The following MEF2A variants were observed in gnomAD, a reference collection of about 807,000 sequenced individuals.
MEF2A encodes myocyte-specific enhancer factor 2A.
A neutral mutation model predicts 55.8 loss-of-function variants in MEF2A; 28 were observed. The ratio of observed to expected loss-of-function variants is 0.50; its 90% confidence interval spans 0.37 to 0.69. The LOEUF (loss-of-function observed/expected upper bound fraction) is 0.69, where lower values mean the gene tolerates loss of function less well. Ranked by LOEUF, MEF2A falls within the 30% of genes least tolerant of loss-of-function variation. The pLI is 0.00. For synonymous variants in MEF2A, 239 were observed against 227.1 expected (o/e 1.05, Z -0.47); for missense variants, 528 against 626.2 (o/e 0.84, Z 1.67).
At chr15:99,693,462 C>A (rs948746508) in intron 8 of MEF2A, among the ~76,000 whole-genome samples, 1 of 152,074 alleles carries the variant, frequency 6.6e-6, no homozygotes. Context: ...CACACACTCT[C>A]ACTCCTAGAC....
intron 2 of MEF2A, among the ~76,000 whole-genome samples, chr15:99,613,302 C>T (rs571462322): frequency 4.3e-4 from 65 of 152,228 alleles, no homozygotes; most frequent in Non-Finnish European, 1.3e-4. Flanking sequence ...ATCCGGTGTT[C>T]TTTTAAATTG....
chr15:99,633,193 TATTTA>T lies in MEF2A; in HGVS notation c.54+24_54+28del, dbSNP rs778061580. ...CGACAGGTAAATGAAAATTTTAATTTATTTAATTGATATGAATATTCTTTTAAAAA... is the reference window on the plus strand; with the variant it reads ...CGACAGGTAAATGAAAATTTTAATTTATTGATATGAATATTCTTTTAAAAA... On this transcript the variant is annotated intron_variant, in intron 3 of 11. Transcript: ENST00000557942. 24 of 1,494,258 alleles carry T rather than the reference TATTTA, an allele frequency of 1.6e-5. No individual in the cohort carries two copies. The African/African-American group carries it at 3.3e-4, about 21-fold the overall frequency. 92.6% of individuals were successfully genotyped at this position (1,494,258 alleles called of 1,614,324 possible).
chr15:99,617,381 T>C (rs2040386378), intron 2 of MEF2A, among the ~76,000 whole-genome samples: 1 of 152,118 alleles, frequency 6.6e-6, no homozygotes, highest in Non-Finnish European at 1.5e-5. Flanking sequence ...ACACTTTAGA[T>C]ATGTTATTAG....
intron 1 of MEF2A, among the ~76,000 whole-genome samples, chr15:99,593,273 C>T (rs1969984812): frequency 6.6e-6 from 1 of 152,114 alleles, no homozygotes; most frequent in African/African-American, 2.4e-5. Flanking sequence ...CTTGGCTTCC[C>T]TTTTCTGCAC....
chr15:99,662,216 A>G (rs1470499666), intron 4 of MEF2A, among the ~76,000 whole-genome samples: 3 of 152,058 alleles, frequency 2.0e-5, no homozygotes, highest in Non-Finnish European at 4.4e-5. Flanking sequence ...GCCTTGGTCT[A>G]TTTTTTTGAC....
chr15:99,674,666 C>T (rs959184768), intron 6 of MEF2A, 54 bp downstream of exon 6: 10 of 1,397,262 alleles, frequency 7.2e-6, no homozygotes, highest in Non-Finnish European at 1.0e-5. Context: ...TGAAAAAATT[C>T]ATTGCTAACA....
At chr15:99,697,049 TCA>T (rs2056582451) in intron 8 of MEF2A, among the ~76,000 whole-genome samples, 1 of 83,056 alleles carries the variant, frequency 1.2e-5, no homozygotes, top group Admixed American at 1.2e-4. Flanking sequence ...CATCTATTCA[TCA>T]TTTAAAAAAA....
chr15:99,676,982 G>A (rs1015315253), intron 7 of MEF2A, among the ~76,000 whole-genome samples: 12 of 152,014 alleles, frequency 7.9e-5, no homozygotes, highest in South Asian at 4.1e-4. Flanking sequence ...TTAGCCGGAC[G>A]TGGTGGCAAG....
intron 7 of MEF2A, among the ~76,000 whole-genome samples, chr15:99,684,401 C>T (rs2053823767): frequency 6.6e-6 from 1 of 152,208 alleles, no homozygotes; most frequent in Admixed American, 6.5e-5. Flanking sequence ...TTAAATATAG[C>T]TATTCTTGCA....
intron 3 of MEF2A, among the ~76,000 whole-genome samples, chr15:99,635,068 C>A (rs2043548682): frequency 1.3e-5 from 2 of 152,140 alleles, no homozygotes. Flanking sequence ...TGTCCAGATT[C>A]AGATATATAC....
chr15:99,715,044 C>T lies in MEF2A; in HGVS notation c.*2273C>T, dbSNP rs1248292766. The T allele has an allele frequency of 6.6e-6, 1 of 152,122 alleles. No individual in the cohort carries two copies. Among genetic ancestry groups the T allele is most frequent in the Non-Finnish European group, 1.5e-5 (1 of 68,022 alleles). 9.4% of individuals were successfully genotyped at this position (152,122 alleles called of 1,614,324 possible). ...TCCTCTCTTCAGTATAGACATTAGGCTCTTATTCAGAAAGGATTTTTCTTT... is the reference window on the plus strand; with the variant it reads ...TCCTCTCTTCAGTATAGACATTAGGTTCTTATTCAGAAAGGATTTTTCTTT... On this transcript the variant is annotated 3_prime_UTR_variant, in exon 12 of 12. Coordinates refer to ENST00000557942, the MANE Select transcript of MEF2A (RefSeq NM_001319206.4).
At chr15:99,676,409 C>A (rs987939081) in intron 7 of MEF2A, among the ~76,000 whole-genome samples, 3 of 142,896 alleles carry the variant, frequency 2.1e-5, no homozygotes, top group Non-Finnish European at 4.6e-5. Flanking sequence ...TTTTTTTATT[C>A]CCCCAACAGA....
At chr15:99,691,236 A>G (rs963686351) in intron 8 of MEF2A, among the ~76,000 whole-genome samples, 3 of 152,162 alleles carry the variant, frequency 2.0e-5, no homozygotes, top group African/African-American at 7.2e-5. Context: ...AAACCCCTCG[A>G]ATGAGTTTTT....
intron 1 of MEF2A, among the ~76,000 whole-genome samples, chr15:99,596,509 G>C (rs1567187867): frequency 6.6e-6 from 1 of 152,078 alleles, no homozygotes; most frequent in Non-Finnish European, 1.5e-5. Context: ...CCCGCCCCCA[G>C]AGGAGGTGTC....
chr15:99,650,132 T>C (rs900799325), intron 4 of MEF2A, among the ~76,000 whole-genome samples: 8 of 152,156 alleles, frequency 5.3e-5, no homozygotes, highest in African/African-American at 1.9e-4. Context: ...AAAATTCTTC[T>C]CGCAGTATCT....
chr15:99,588,384 C>G (rs1301895998), intron 1 of MEF2A, among the ~76,000 whole-genome samples: 2 of 152,100 alleles, frequency 1.3e-5, no homozygotes, highest in African/African-American at 2.4e-5. Context: ...TCACTGCAAC[C>G]TCTGCTTCCT....
intron 1 of MEF2A, among the ~76,000 whole-genome samples, chr15:99,577,497 C>G (rs919796814): frequency 2.0e-5 from 3 of 152,078 alleles, no homozygotes; most frequent in Non-Finnish European, 4.4e-5. Flanking sequence ...ATGCAGAGTA[C>G]ACATCTGCAA....
chr15:99,610,536 T>C (rs1243695962), intron 2 of MEF2A, among the ~76,000 whole-genome samples: 4 of 150,884 alleles, frequency 2.7e-5, no homozygotes, highest in East Asian at 2.0e-4. Flanking sequence ...CCTCCCACTT[T>C]TGAATTTGAG....
chr15:99,633,377 A>C (rs967277986), intron 3 of MEF2A, among the ~76,000 whole-genome samples: 1 of 152,076 alleles, frequency 6.6e-6, no homozygotes, highest in Non-Finnish European at 1.5e-5. Flanking sequence ...GATATATGTC[A>C]CCAAAAATAT....
Sources: gnomAD v4.1 joint callset for allele counts (sites outside exome capture counted in the v4.1 genomes callset) on GRCh38, gnomAD v4.1.1 for gene constraint, MANE v1.5 for transcripts, NCBI Gene and HGNC (gene_info 2026-07-23, HGNC 2026-07-21) for gene names.